Variants in SYT14 observed in about 807,000 individuals in gnomAD.
The protein encoded by SYT14 is synaptotagmin 14.
SYT14 carries 32 observed loss-of-function variants against 74.2 expected under a neutral mutation model. The observed-to-expected ratio is 0.43, with a 90% confidence interval of 0.33 to 0.58. The LOEUF (loss-of-function observed/expected upper bound fraction) is 0.58, where lower values mean the gene tolerates loss of function less well. Among genes scored for constraint, SYT14 ranks in the 20% least tolerant of loss-of-function variants. SYT14 has a pLI of 0.05. For missense variants in SYT14, 791 were observed against 981.8 expected (o/e 0.81, Z 2.60); for synonymous variants, 298 against 337.7 (o/e 0.88, Z 1.29).
intron 5 of SYT14, among the ~76,000 whole-genome samples, chr1:210,026,381 A>C (rs1182956453): frequency 6.6e-6 from 1 of 152,130 alleles, no homozygotes; most frequent in Non-Finnish European, 1.5e-5. Context: ...GAAGCTTATT[A>C]AAGATGATTC....
At chr1:210,165,535 C>G (rs960897978) in exon 10 of SYT14, 2 of 152,174 alleles carry the variant, frequency 1.3e-5, no homozygotes, top group African/African-American at 2.4e-5. Context: ...TGTTACATGA[C>G]CCCCTTACTA....
intron 5 of SYT14, among the ~76,000 whole-genome samples, chr1:210,084,795 A>G (rs227171): frequency 0.54 from 82,176 of 152,102 alleles, 23,417 homozygotes; most frequent in African/African-American, 0.72. Context: ...CATCTGGAGC[A>G]ACAACTGCAG....
rs35974726 is a variant in SYT14 at position 210,169,221 on chromosome 1, G to GTTTTTTTTTTT, written c.*8199_*8209dup. The stretch of plus-strand genomic sequence containing the variant: ...CTTTTTTGGTTTTTATGTTTTTGGT[G>GTTTTTTTTTTT]TTTTTTTTTTTTTTTTTTTTTTTTT... On this transcript the variant is annotated 3_prime_UTR_variant, in exon 10 of 10. Coordinates refer to ENST00000637265, the Ensembl canonical transcript of SYT14. 6.2e-4 allele frequency: 31 copies of GTTTTTTTTTTT among 50,236 alleles called. 2 individuals are homozygous for GTTTTTTTTTTT. The highest frequency in any genetic ancestry group is 1.9e-3 in the African/African-American group (25 of 12,852). The allele number at this position is 50,236 out of a possible 1,614,324, so 3.1% of individuals were successfully genotyped here.
At chr1:210,050,255 G>A (rs1339792292) in intron 5 of SYT14, among the ~76,000 whole-genome samples, 2 of 152,250 alleles carry the variant, frequency 1.3e-5, no homozygotes, top group African/African-American at 2.4e-5. Flanking sequence ...CTGGGGCAGG[G>A]GCAAGATGCC....
intron 5 of SYT14, among the ~76,000 whole-genome samples, chr1:210,076,299 C>T (rs1217343349): frequency 1.3e-5 from 2 of 152,154 alleles, no homozygotes; most frequent in Non-Finnish European, 2.9e-5. Flanking sequence ...TCCTGAATGA[C>T]TTGATATGAG....
At chr1:209,993,689 A>G (rs189001) in intron 2 of SYT14, among the ~76,000 whole-genome samples, 82,688 of 151,866 alleles carry the variant, frequency 0.54, 23,813 homozygotes, top group African/African-American at 0.73. Flanking sequence ...AAAGAAACTC[A>G]GGCATGGGCG....
At chr1:209,983,008 CT>C (rs966105298) in intron 2 of SYT14, among the ~76,000 whole-genome samples, 35 of 148,162 alleles carry the variant, frequency 2.4e-4, no homozygotes, top group African/African-American at 8.6e-4. Context: ...GGTGAGGTGT[CT>C]TTTAAGGCCT....
intron 5 of SYT14, among the ~76,000 whole-genome samples, chr1:210,087,243 G>A (rs181485194): frequency 1.7e-4 from 26 of 152,120 alleles, no homozygotes; most frequent in African/African-American, 3.1e-4. Context: ...TGGATACCCC[G>A]CCCATGCTGC....
At chr1:209,966,605 A>G (rs535020671) in intron 2 of SYT14, among the ~76,000 whole-genome samples, 1 of 152,356 alleles carries the variant, frequency 6.6e-6, no homozygotes, top group African/African-American at 2.4e-5. Flanking sequence ...TGTTGTAAAT[A>G]GAAATTTTAA....
chr1:210,076,184 C>A (rs2102462930), intron 5 of SYT14, among the ~76,000 whole-genome samples: 1 of 152,196 alleles, frequency 6.6e-6, no homozygotes, highest in East Asian at 1.9e-4. Context: ...TTAATTGAAT[C>A]TTTGATGATA....
intron 5 of SYT14, among the ~76,000 whole-genome samples, chr1:210,077,827 T>A (rs1483283272): frequency 1.3e-5 from 2 of 152,164 alleles, no homozygotes; most frequent in Non-Finnish European, 2.9e-5. Flanking sequence ...GAAATTTTTT[T>A]AAATAAAGAA....
chr1:210,033,172 A>G (rs2080580456), intron 5 of SYT14, among the ~76,000 whole-genome samples: 1 of 152,018 alleles, frequency 6.6e-6, no homozygotes, highest in East Asian at 1.9e-4. Flanking sequence ...TGAGAAGCAA[A>G]AAGAAAAGAG....
intron 7 of SYT14, among the ~76,000 whole-genome samples, chr1:210,132,963 T>C (rs2082708574): frequency 6.6e-6 from 1 of 152,202 alleles, no homozygotes; most frequent in African/African-American, 2.4e-5. Flanking sequence ...TTTGACTGTC[T>C]AGGAGCTTTT....
At chr1:210,031,619 G>A (rs1047461816) in intron 5 of SYT14, among the ~76,000 whole-genome samples, 4 of 152,084 alleles carry the variant, frequency 2.6e-5, no homozygotes, top group South Asian at 2.1e-4. Flanking sequence ...GTTTCTTCTT[G>A]TGTGAGTTTT....
At chr1:209,985,560 T>G (rs2079556676) in intron 2 of SYT14, among the ~76,000 whole-genome samples, 1 of 152,208 alleles carries the variant, frequency 6.6e-6, no homozygotes, top group Non-Finnish European at 1.5e-5. Context: ...GATCTGCCAC[T>G]CTGGAGTCTG....
At chr1:210,092,157 A>G (rs920595498) in intron 5 of SYT14, among the ~76,000 whole-genome samples, 2 of 152,226 alleles carry the variant, frequency 1.3e-5, no homozygotes, top group Admixed American at 6.5e-5. Context: ...TCCAACTATT[A>G]TAGTTTTTTT....
At chr1:210,085,765 C>T (rs921656318) in intron 5 of SYT14, among the ~76,000 whole-genome samples, 3 of 152,168 alleles carry the variant, frequency 2.0e-5, no homozygotes, top group Non-Finnish European at 4.4e-5. Context: ...ACCCTGTTTA[C>T]ATAACTCTGG....
intron 7 of SYT14, among the ~76,000 whole-genome samples, chr1:210,121,576 C>G (rs1042858094): frequency 1.3e-5 from 2 of 152,084 alleles, no homozygotes; most frequent in African/African-American, 4.8e-5. Flanking sequence ...GGGCGGATCA[C>G]AAGGTCAGGA....
chr1:210,028,235 AATTTT>A (rs1385830595), intron 5 of SYT14, among the ~76,000 whole-genome samples: 2 of 152,120 alleles, frequency 1.3e-5, no homozygotes, highest in Non-Finnish European at 2.9e-5. Context: ...CATGTATCAG[AATTTT>A]ATTCCTTTTT....
Sources: gnomAD v4.1 joint callset for allele counts (sites outside exome capture counted in the v4.1 genomes callset) on GRCh38, gnomAD v4.1.1 for gene constraint, MANE v1.5 for transcripts, NCBI Gene and HGNC (gene_info 2026-07-23, HGNC 2026-07-21) for gene names.